Variants in TRAF3IP2 observed in about 807,000 individuals in gnomAD.
TRAF3IP2 encodes the protein TRAF3 interacting protein 2.
A neutral mutation model predicts 57.9 loss-of-function variants in TRAF3IP2; 35 were observed. The ratio of observed to expected loss-of-function variants is 0.60; its 90% CI spans 0.46 to 0.80. The LOEUF is 0.80. Ranked by LOEUF, TRAF3IP2 falls within the 30% of genes least tolerant of loss-of-function variation. The pLI, the probability that TRAF3IP2 is intolerant of heterozygous loss-of-function variation, is 0.00. For synonymous variants in TRAF3IP2, 251 were observed against 268.9 expected (o/e 0.93, Z 0.65); for missense variants, 556 against 706.4 (o/e 0.79, Z 2.41).
intron 2 of TRAF3IP2, among the ~76,000 whole-genome samples, chr6:111,581,074 A>G (rs1796149104): frequency 6.6e-6 from 1 of 152,216 alleles, no homozygotes; most frequent in African/African-American, 2.4e-5. Context: ...TGAATGTGCA[A>G]CCTGGGAGAA....
intron 2 of TRAF3IP2, among the ~76,000 whole-genome samples, chr6:111,588,386 G>T (rs1437315236): frequency 6.6e-6 from 1 of 152,196 alleles, no homozygotes. Flanking sequence ...AGGTCCTGGG[G>T]CAATAGGGAC....
chr6:111,565,958 G>C (rs536077106), intron 7 of TRAF3IP2, among the ~76,000 whole-genome samples: 27 of 152,182 alleles, frequency 1.8e-4, no homozygotes, highest in Admixed American at 9.2e-4. Flanking sequence ...TAAGCAGTGG[G>C]GCCACGGTCA....
intron 4 of TRAF3IP2, among the ~76,000 whole-genome samples, chr6:111,574,254 C>G (rs1371305863): frequency 6.6e-6 from 1 of 152,176 alleles, no homozygotes; most frequent in African/African-American, 2.4e-5. Context: ...CAGCACAGAT[C>G]CCCCAAAAGG....
At chr6:111,581,512 C>G (rs1368659382) in intron 2 of TRAF3IP2, among the ~76,000 whole-genome samples, 1 of 152,060 alleles carries the variant, frequency 6.6e-6, no homozygotes, top group African/African-American at 2.4e-5. Flanking sequence ...CTTTTAAGAT[C>G]AACCCTCATT....
chr6:111,572,697 G>T (rs1166030687), intron 5 of TRAF3IP2, 198 bp downstream of exon 5: 7 of 581,026 alleles, frequency 1.2e-5, no homozygotes, highest in East Asian at 2.9e-5. Context: ...CAGCATACAG[G>T]AAAAAAATGC....
intron 5 of TRAF3IP2, among the ~76,000 whole-genome samples, chr6:111,571,750 C>T (rs1034283786): frequency 1.3e-5 from 2 of 151,788 alleles, no homozygotes; most frequent in African/African-American, 4.8e-5. Flanking sequence ...CATAGTGAAA[C>T]CCCATCTCTA....
chr6:111,592,134 A>T (rs1335630136), intron 1 of TRAF3IP2, 40 bp from the exon 2 acceptor site: 3 of 1,552,980 alleles, frequency 1.9e-6, no homozygotes, highest in African/African-American at 1.4e-5. Context: ...TAGAAGACAG[A>T]TAAATTCTTG....
At chr6:111,574,872 T>C (rs1795932010) in intron 4 of TRAF3IP2, 1 of 152,246 alleles carries the variant, frequency 6.6e-6, no homozygotes, top group Admixed American at 6.5e-5. Context: ...TGCTGGTTAC[T>C]TTTTAAGCAA....
Position 111,567,696 on chromosome 6 carries a change from CAA to C in TRAF3IP2, c.1291-6_1291-5del. ...TTCTATCCTCAAATATGTCAATCTG[CAA>C]AAAAAAAGATGTGGGAGTTGGCCCT... On this transcript the variant is annotated splice_region_variant and splice_polypyrimidine_tract_variant and intron_variant, in intron 5 of 8. Transcript: ENST00000368761. The C allele has an allele frequency of 6.5e-7, 1 of 1,536,756 alleles. No homozygotes were observed.
intron 7 of TRAF3IP2, among the ~76,000 whole-genome samples, chr6:111,563,842 G>A (rs1342372250): frequency 6.6e-6 from 1 of 152,208 alleles, no homozygotes; most frequent in Non-Finnish European, 1.5e-5. Flanking sequence ...CCTCACACCA[G>A]TTCCAATATG....
chr6:111,570,102 G>A (rs1370299934), intron 5 of TRAF3IP2, among the ~76,000 whole-genome samples: 1 of 152,174 alleles, frequency 6.6e-6, no homozygotes, highest in African/African-American at 2.4e-5. Flanking sequence ...GTCCATAGAA[G>A]ACGAGATTAG....
chr6:111,570,105 G>A (rs1441483257), intron 5 of TRAF3IP2, among the ~76,000 whole-genome samples: 7 of 152,190 alleles, frequency 4.6e-5, no homozygotes, highest in Admixed American at 2.6e-4. Flanking sequence ...CATAGAAGAC[G>A]AGATTAGAAC....
At chr6:111,559,729 T>C (rs568440070) in intron 8 of TRAF3IP2, among the ~76,000 whole-genome samples, 178 bp from the exon 9 acceptor site, 1 of 152,370 alleles carries the variant, frequency 6.6e-6, no homozygotes, top group African/African-American at 2.4e-5. Flanking sequence ...GTTCTTGGCT[T>C]CGGGTACAAG....
At chr6:111,567,276 C>G (rs950738588) in intron 6 of TRAF3IP2, 1 of 1,040,514 alleles carries the variant, frequency 9.6e-7, no homozygotes, top group Non-Finnish European at 1.2e-6. Flanking sequence ...CAGCCCAATT[C>G]TACAAAACAC....
At chr6:111,599,288 T>A (rs2128385676) in intron 1 of TRAF3IP2, among the ~76,000 whole-genome samples, 1 of 152,238 alleles carries the variant, frequency 6.6e-6, no homozygotes, top group Non-Finnish European at 1.5e-5. Context: ...CTGATGGGCA[T>A]CTTCCCTCAA....
Position 111,567,695 on chromosome 6 carries a change from G to A in TRAF3IP2, c.1291-3C>T. ...ATTCTATCCTCAAATATGTCAATCT[G>A]CAAAAAAAAAGATGTGGGAGTTGGC... is the stretch of plus-strand genomic sequence containing the variant. On this transcript the variant is annotated splice_region_variant and splice_polypyrimidine_tract_variant and intron_variant, in intron 5 of 8. Transcript: ENST00000368761. 1 of 1,592,918 alleles carries A rather than the reference G, an allele frequency of 6.3e-7. No individual in the cohort carries two copies. Among genetic ancestry groups the A allele is most frequent in the African/African-American group, 1.4e-5 (1 of 73,546 alleles).
intron 2 of TRAF3IP2, among the ~76,000 whole-genome samples, chr6:111,588,579 C>T (rs1282673842): frequency 6.6e-6 from 1 of 152,162 alleles, no homozygotes; most frequent in African/African-American, 2.4e-5. Flanking sequence ...TGAGTCAGTG[C>T]TTTTTTTGTC....
At chr6:111,583,439 C>T (rs1796224364) in intron 2 of TRAF3IP2, among the ~76,000 whole-genome samples, 1 of 152,168 alleles carries the variant, frequency 6.6e-6, no homozygotes, top group South Asian at 2.1e-4. Context: ...TTTACAACCA[C>T]TCCCCATCAC....
chr6:111,603,527 G>T (rs35815577), intron 1 of TRAF3IP2, among the ~76,000 whole-genome samples: 6,873 of 152,274 alleles, frequency 0.045, 213 homozygotes, highest in Middle Eastern at 0.12. Context: ...GAAGAAAAAT[G>T]ATTTGAATTC....
Sources: allele counts gnomAD v4.1 joint callset (sites outside exome capture counted in the v4.1 genomes callset), GRCh38; gene constraint gnomAD v4.1.1; transcripts MANE v1.5; gene names NCBI Gene and HGNC (gene_info 2026-07-23, HGNC 2026-07-21).